PMEPA1: variants seen among roughly 807,000 people sequenced by gnomAD.
PMEPA1 encodes the protein prostate transmembrane protein, androgen induced 1, also known as protein TMEPAI.
PMEPA1 carries 11 observed loss-of-function variants against 23.0 expected under a neutral mutation model. The observed-to-expected ratio is 0.48, with a 90% CI of 0.30 to 0.79. The LOEUF (loss-of-function observed/expected upper bound fraction) is 0.79. Ranked by LOEUF, PMEPA1 falls within the 30% of genes least tolerant of loss-of-function variation. The probability of loss-of-function intolerance (pLI) is 0.06; values close to 1 mark genes in which losing one functional copy is unlikely to be tolerated. For synonymous variants in PMEPA1, 204 were observed against 166.4 expected (o/e 1.23, Z -1.74); for missense variants, 377 against 390.9 (o/e 0.96, Z 0.30).
rs61744856 is a variant in PMEPA1 at position 57,652,065 on chromosome 20, T to C, written c.852A>G (p.Gly284=). 45,108 of 1,503,418 alleles carry C rather than the reference T, an allele frequency of 0.03. 795 individuals carry two copies. The highest frequency in any genetic ancestry group is 0.034 in the Non-Finnish European group (38,299 of 1,120,830). The allele number at this position is 1,503,418 out of a possible 1,614,324, so 93.1% of individuals were successfully genotyped here. A position where few individuals can be genotyped will look rare whatever the true frequency, so the allele number is the denominator to read the frequency against. Residue 284 remains glycine (G), a synonymous_variant, in exon 4 of 4, where the codon GGA becomes GGG. Transcript: ENST00000341744. This position sits in a 1 kb window ranked among gnomAD's most constrained non-coding sequence, Gnocchi z 6.1. ...IWSKEKDKQK[G]HPL ...CCCCCTGGGGACCCTAGAGAGGGTG[T>C]CCTTTCTGTTTATCCTTCTCTTTGC...
chr20:57,673,568 C>A (rs1335622379), intron 1 of PMEPA1, among the ~76,000 whole-genome samples: 1 of 152,188 alleles, frequency 6.6e-6, no homozygotes, highest in Non-Finnish European at 1.5e-5. Flanking sequence ...CCTCAAAGCC[C>A]AGGGCTGGTC....
intron 1 of PMEPA1, among the ~76,000 whole-genome samples, chr20:57,689,016 T>C (rs1368756342): frequency 1.3e-5 from 2 of 152,226 alleles, no homozygotes; most frequent in Non-Finnish European, 2.9e-5. Flanking sequence ...CCAGACTTAT[T>C]GGCACAGGCT....
At chr20:57,694,894 G>C (rs1341411348) in intron 1 of PMEPA1, among the ~76,000 whole-genome samples, 1 of 152,210 alleles carries the variant, frequency 6.6e-6, no homozygotes, top group Non-Finnish European at 1.5e-5. Context: ...GCCGGTAAGT[G>C]AGGCTGCCAT....
chr20:57,651,849 T>C lies in PMEPA1; in HGVS notation c.*204A>G, dbSNP rs923631647. ...AAAGAAACGTGGTTTTTTTTTTTCT[T>C]TTTTCTTTTTTTTTTTGCAAGCTCT... On this transcript the variant is annotated 3_prime_UTR_variant, in exon 4 of 4. Transcript: ENST00000341744. 265 of 372,442 alleles carry C rather than the reference T, an allele frequency of 7.1e-4. 1 individual carries two copies. Among genetic ancestry groups the C allele is most frequent in the Non-Finnish European group, 1.0e-3 (222 of 217,836 alleles). The allele number at this position is 372,442 out of a possible 1,614,324, so 23.1% of individuals were successfully genotyped here.
chr20:57,668,884 G>A (rs1031759519), intron 1 of PMEPA1, among the ~76,000 whole-genome samples: 5 of 152,012 alleles, frequency 3.3e-5, no homozygotes, highest in Non-Finnish European at 4.4e-5. Context: ...CCTTGATCCC[G>A]GCCCCCAGGT....
rs528867322 is a variant in PMEPA1 at position 57,683,066 on chromosome 20, C to T, written c.110-23369G>A. On this transcript the variant is annotated intron_variant, in intron 1 of 3. Transcript: ENST00000341744. The surrounding 1 kb of genome is among the most constrained non-coding windows in gnomAD (Gnocchi z 4.3). The stretch of plus-strand genomic sequence containing the variant: ...CCTTTTTCAATGTCATCTCTCACGC[C>T]GCAGTCTCCGGGGGCATTTACGCCA... Among the ~76,000 whole-genome samples, 16 of 152,310 alleles carry T rather than the reference C, an allele frequency of 1.1e-4. No homozygotes were observed. Among genetic ancestry groups the T allele is most frequent in the South Asian group, 1.0e-3 (5 of 4,818 alleles).
Position 57,699,935 on chromosome 20 carries a change from C to T in PMEPA1, c.109+9539G>A, listed in dbSNP as rs548915825. On this transcript the variant is annotated intron_variant, in intron 1 of 3. Coordinates refer to ENST00000341744, the MANE Select transcript of PMEPA1 (RefSeq NM_020182.5). ...GGAACGCACATGTTTCGACAGTCCG[C>T]GTTTTACATATATCATACATAAAAT... The T allele has an allele frequency of 6.5e-4, 285 of 439,204 alleles. 1 individual carries two copies. Among genetic ancestry groups the T allele is most frequent in the South Asian group, 4.4e-3 (269 of 61,556 alleles). The allele number at this position is 439,204 out of a possible 1,614,324, so 27.2% of individuals were successfully genotyped here. A position where few individuals can be genotyped will look rare whatever the true frequency, so the allele number is the denominator to read the frequency against.
Position 57,709,784 on chromosome 20 carries a change from C to A in PMEPA1, c.-202G>T. ...GCGGGACCGCGCTCCGCTGCGCCCC[C>A]CCGGCCTCCCCTCGGCAGCCCCGGG... On this transcript the variant is annotated 5_prime_UTR_variant, in exon 1 of 4. Transcript: ENST00000341744. The A allele has an allele frequency of 1.0e-6, 1 of 982,270 alleles. No individual in the cohort carries two copies. The highest frequency in any genetic ancestry group is 1.2e-6 in the Non-Finnish European group (1 of 828,434). The allele number at this position is 982,270 out of a possible 1,614,324, so 60.8% of individuals were successfully genotyped here. A position where few individuals can be genotyped will look rare whatever the true frequency, so the allele number is the denominator to read the frequency against.
intron 1 of PMEPA1, among the ~76,000 whole-genome samples, chr20:57,680,225 T>C (rs1365838703): frequency 2.6e-5 from 4 of 152,246 alleles, no homozygotes; most frequent in Admixed American, 6.5e-5. Flanking sequence ...AAGTGCATTA[T>C]ATCATTCAAA....
At chr20:57,698,562 C>T (rs961168892) in intron 1 of PMEPA1, among the ~76,000 whole-genome samples, 3 of 152,158 alleles carry the variant, frequency 2.0e-5, no homozygotes, top group African/African-American at 7.2e-5. Flanking sequence ...AGGGTGTTTG[C>T]GCAAAGTTGA....
At chr20:57,660,553 C>T (rs1310726457) in intron 1 of PMEPA1, among the ~76,000 whole-genome samples, 1 of 139,672 alleles carries the variant, frequency 7.2e-6, no homozygotes. Flanking sequence ...CCTACACACA[C>T]GTCAACACCA....
At chr20:57,661,934 C>T (rs372448776) in intron 1 of PMEPA1, among the ~76,000 whole-genome samples, 26 of 140,278 alleles carry the variant, frequency 1.9e-4, no homozygotes, top group African/African-American at 6.4e-4. Context: ...ACCCTCAGCG[C>T]GCCATTGTCT....
At chr20:57,661,685 C>A (rs2071421184) in intron 1 of PMEPA1, among the ~76,000 whole-genome samples, 1 of 152,178 alleles carries the variant, frequency 6.6e-6, no homozygotes, top group Non-Finnish European at 1.5e-5. Context: ...GGCGCTCGGG[C>A]CATCAGACAG....
rs1376518613 is a variant in PMEPA1 at position 57,709,885 on chromosome 20, C to T, written c.-303G>A. ...GCGCGCGCTGCCGCCGGGGCTGAGC[C>T]TCTGCCGCTAGCTTTCCCCAGCCGA... On this transcript the variant is annotated 5_prime_UTR_variant, in exon 1 of 4. Coordinates refer to ENST00000341744, the MANE Select transcript of PMEPA1 (RefSeq NM_020182.5). 2 of 1,004,118 alleles carry T rather than the reference C, an allele frequency of 2.0e-6. No individual in the cohort carries two copies. The highest frequency in any genetic ancestry group is 1.8e-5 in the African/African-American group (1 of 57,098). The allele number at this position is 1,004,118 out of a possible 1,614,324, so 62.2% of individuals were successfully genotyped here.
intron 1 of PMEPA1, among the ~76,000 whole-genome samples, 185 bp from the exon 2 acceptor site, chr20:57,659,882 A>T (rs1408093866): frequency 6.6e-6 from 1 of 152,222 alleles, no homozygotes; most frequent in Non-Finnish European, 1.5e-5. Flanking sequence ...CGTGCAGGGA[A>T]GCTGCTCTCA....
In PMEPA1 at chr20:57,682,971, A is replaced by G. The variant is rs1221277499; in HGVS notation, c.110-23274T>C. On this transcript the variant is annotated intron_variant, in intron 1 of 3. Coordinates refer to ENST00000341744, the MANE Select transcript of PMEPA1 (RefSeq NM_020182.5). The surrounding 1 kb of genome is among the most constrained non-coding windows in gnomAD (Gnocchi z 4.4). ...CGGTCTTGAAACTCCGGCTTCTCCA[A>G]CTCTTCAGAAAAGGAGAAGAAGAAG... 6.6e-6 allele frequency among the ~76,000 whole-genome samples: 1 copy of G among 152,066 alleles called. No homozygotes were observed. Among genetic ancestry groups the G allele is most frequent in the Non-Finnish European group, 1.5e-5 (1 of 68,006 alleles).
At position 57,682,849 on chromosome 20, in the gene PMEPA1, T is replaced by C. The variant is rs946616374; in HGVS notation, c.110-23152A>G. Among the ~76,000 whole-genome samples the C allele has an allele frequency of 6.6e-6, 1 of 152,240 alleles. No homozygotes were observed. The highest frequency in any genetic ancestry group is 2.4e-5 in the African/African-American group (1 of 41,454). On this transcript the variant is annotated intron_variant, in intron 1 of 3. Transcript: ENST00000341744. This position sits in a 1 kb window ranked among gnomAD's most constrained non-coding sequence, Gnocchi z 4.4. ...AAAGGAAGGCGGCTCGCCAGATTTGTTTCGAATTATGAAAATAGATGTTGT... is the reference window on the plus strand; with the variant it reads ...AAAGGAAGGCGGCTCGCCAGATTTGCTTCGAATTATGAAAATAGATGTTGT...
chr20:57,670,028 C>G (rs529150876), intron 1 of PMEPA1, among the ~76,000 whole-genome samples: 6 of 151,936 alleles, frequency 3.9e-5, no homozygotes, highest in Non-Finnish European at 8.8e-5. Flanking sequence ...GTGGGAAGGC[C>G]GGACAGTCTC....
intron 1 of PMEPA1, among the ~76,000 whole-genome samples, chr20:57,671,452 C>T (rs886439401): frequency 6.6e-6 from 1 of 152,080 alleles, no homozygotes; most frequent in Non-Finnish European, 1.5e-5. Flanking sequence ...AAGCACTTCA[C>T]CTTTCAACCC....
Sources: allele counts gnomAD v4.1 joint callset (sites outside exome capture counted in the v4.1 genomes callset), GRCh38; gene constraint gnomAD v4.1.1; non-coding constraint Gnocchi (gnomAD v3.1); transcripts MANE v1.5; gene names NCBI Gene and HGNC (gene_info 2026-07-23, HGNC 2026-07-21).